Variants in RGS20 observed in about 807,000 individuals in gnomAD.
The protein encoded by RGS20 is regulator of G protein signaling 20.
In RGS20, 30 loss-of-function variants were observed where a neutral mutation model predicts 33.6. The ratio of observed to expected loss-of-function variants is 0.89; its 90% CI spans 0.67 to 1.21. The LOEUF is 1.21. RGS20 is among the 50% of genes most tolerant of loss of function. RGS20 has a pLI of 0.00. For synonymous variants in RGS20, 208 were observed against 197.9 expected, an observed-to-expected ratio of 1.05 and a Z score of -0.43; for missense variants, 472 against 502.4, an observed-to-expected ratio of 0.94 and a Z score of 0.58.
chr8:53,950,466 G>A lies in RGS20; in HGVS notation c.744-3610G>A, dbSNP rs1387213339. Among the ~76,000 whole-genome samples, 4 of 152,086 alleles carry A rather than the reference G, an allele frequency of 2.6e-5. 1 individual carries two copies. Among genetic ancestry groups the A allele is most frequent in the South Asian group, 4.1e-4 (2 of 4,822 alleles). Reference sequence around the variant, plus strand: ...GTCCAAAACTTCAAATTATTCCAATGAGCATTTCCTTTGAGTGTCATGTCA... The same window carrying A: ...GTCCAAAACTTCAAATTATTCCAATAAGCATTTCCTTTGAGTGTCATGTCA... On this transcript the variant is annotated intron_variant, in intron 4 of 5. Transcript: ENST00000297313.
intron 3 of RGS20, among the ~76,000 whole-genome samples, chr8:53,943,579 T>G (rs767969120): frequency 3.9e-5 from 6 of 152,156 alleles, no homozygotes; most frequent in Non-Finnish European, 8.8e-5. Context: ...ACAATAACAG[T>G]GGACCGAGGT....
At chr8:53,945,586 A>C (rs1814451209) in intron 3 of RGS20, among the ~76,000 whole-genome samples, 1 of 152,188 alleles carries the variant, frequency 6.6e-6, no homozygotes, top group South Asian at 2.1e-4. Context: ...TTAAACAGAT[A>C]AACTTGACGG....
At chr8:53,902,504 G>A (rs182729181) in intron 2 of RGS20, among the ~76,000 whole-genome samples, 11 of 152,252 alleles carry the variant, frequency 7.2e-5, no homozygotes, top group Non-Finnish European at 1.3e-4. Flanking sequence ...TCAGCGGTGC[G>A]GGAGAGTTCT....
At position 53,858,317 on chromosome 8, in the gene RGS20, C is replaced by A. The variant is rs1256073453; in HGVS notation, c.165+6253C>A. ...TCTGAGCACCTGTACACTCCACTTA[C>A]AATTCTGATTAAGAATCTGAACAGG... is the stretch of plus-strand genomic sequence containing the variant. On this transcript the variant is annotated intron_variant, in intron 1 of 5. Coordinates refer to ENST00000297313, the MANE Select transcript of RGS20 (RefSeq NM_170587.4). 2.6e-5 allele frequency among the ~76,000 whole-genome samples: 4 copies of A among 152,146 alleles called. No homozygotes were observed. In the East Asian group the frequency reaches 7.7e-4, roughly 29 times the overall value.
rs141418606 is a variant in RGS20 at position 53,959,138 on chromosome 8, A to G, written c.*680A>G. ...GAAAATTCTTTTGTTGAAAAGAGTTACTGTTATTATCAGAATTTGCCAACC... is the reference window on the plus strand; with the variant it reads ...GAAAATTCTTTTGTTGAAAAGAGTTGCTGTTATTATCAGAATTTGCCAACC... On this transcript the variant is annotated 3_prime_UTR_variant, in exon 6 of 6. Coordinates refer to ENST00000297313, the MANE Select transcript of RGS20 (RefSeq NM_170587.4). 3 of 152,326 alleles carry G rather than the reference A, an allele frequency of 2.0e-5. No homozygotes were observed. Among genetic ancestry groups the G allele is most frequent in the African/African-American group, 7.2e-5 (3 of 41,570 alleles). 9.4% of individuals were successfully genotyped at this position (152,326 alleles called of 1,614,324 possible).
chr8:53,892,591 G>T (rs563597645), intron 2 of RGS20, among the ~76,000 whole-genome samples: 1 of 152,252 alleles, frequency 6.6e-6, no homozygotes, highest in Admixed American at 6.5e-5. Context: ...AGAGAACTAG[G>T]CTCAAACTTT....
chr8:53,913,411 T>C (rs1156565806), intron 2 of RGS20: 1 of 152,208 alleles, frequency 6.6e-6, no homozygotes, highest in East Asian at 1.9e-4. Flanking sequence ...ACGTTGGACA[T>C]TGTTATGGGT....
intron 2 of RGS20, among the ~76,000 whole-genome samples, chr8:53,889,723 CTGTGTGTGTG>C (rs66766851): frequency 4.1e-5 from 6 of 146,008 alleles, no homozygotes; most frequent in Non-Finnish European, 6.0e-5. Context: ...TGTCAAAATT[CTGTGTGTGTG>C]TGTGTGTGTG....
intron 1 of RGS20, among the ~76,000 whole-genome samples, chr8:53,867,845 C>G (rs1811957957): frequency 6.6e-6 from 1 of 152,042 alleles, no homozygotes; most frequent in Non-Finnish European, 1.5e-5. Context: ...ATCTCAGTCT[C>G]CCGGGTAGCT....
intron 5 of RGS20, 132 bp downstream of exon 4, chr8:53,954,442 T>A: frequency 5.1e-6 from 3 of 592,422 alleles, no homozygotes; most frequent in South Asian, 5.0e-5. Flanking sequence ...GGCGGGCGGA[T>A]CACCTGAGGT....
chr8:53,876,292 T>C, intron 1 of RGS20: 1 of 152,228 alleles, frequency 6.6e-6, no homozygotes, highest in Non-Finnish European at 1.5e-5. Context: ...GGGCAAGACA[T>C]TGTTCATACG....
chr8:53,883,303 C>CA (rs898135708), intron 2 of RGS20, among the ~76,000 whole-genome samples: 2 of 151,970 alleles, frequency 1.3e-5, no homozygotes, highest in African/African-American at 4.8e-5. Context: ...GCTGGGATTA[C>CA]AGGCATGCGC....
chr8:53,947,370 A>G (rs1814529844), intron 4 of RGS20, among the ~76,000 whole-genome samples: 1 of 128,288 alleles, frequency 7.8e-6, no homozygotes, highest in Non-Finnish European at 1.6e-5. Flanking sequence ...GCTATATATA[A>G]GATATAGTAT....
intron 1 of RGS20, chr8:53,879,110 C>G: frequency 1.5e-6 from 1 of 669,234 alleles, no homozygotes; most frequent in Non-Finnish European, 2.6e-6. Flanking sequence ...GGGAAAGAAT[C>G]TAACTATAGG....
chr8:53,867,085 G>A (rs892536378), intron 1 of RGS20, among the ~76,000 whole-genome samples: 2 of 152,098 alleles, frequency 1.3e-5, no homozygotes. Context: ...AGTCACAAAG[G>A]AAACTTGTGG....
At chr8:53,884,762 T>G (rs897123249) in intron 2 of RGS20, among the ~76,000 whole-genome samples, 1 of 152,240 alleles carries the variant, frequency 6.6e-6, no homozygotes, top group African/African-American at 2.4e-5. Flanking sequence ...TACGAGCATG[T>G]GCTATCTCTA....
intron 1 of RGS20, among the ~76,000 whole-genome samples, chr8:53,867,116 C>G (rs1308411668): frequency 6.6e-6 from 1 of 152,090 alleles, no homozygotes; most frequent in East Asian, 1.9e-4. Flanking sequence ...CTCTCCTGAC[C>G]CTTCCTCCAT....
intron 2 of RGS20, among the ~76,000 whole-genome samples, chr8:53,884,369 A>G (rs138542669): frequency 9.2e-4 from 140 of 151,932 alleles, no homozygotes; most frequent in African/African-American, 3.3e-3. Context: ...CTAATTTTTT[A>G]ATTTTTTATA....
chr8:53,861,205 CT>C (rs1347353752), intron 1 of RGS20, among the ~76,000 whole-genome samples: 3 of 152,198 alleles, frequency 2.0e-5, no homozygotes, highest in African/African-American at 7.2e-5. Flanking sequence ...CACATCTTCT[CT>C]GTTTATCTCC....
Sources: allele counts gnomAD v4.1 joint callset (sites outside exome capture counted in the v4.1 genomes callset), GRCh38; gene constraint gnomAD v4.1.1; transcripts MANE v1.5; gene names NCBI Gene and HGNC (gene_info 2026-07-23, HGNC 2026-07-21).